The following UBTD2 variants were observed in gnomAD, a reference collection of about 807,000 sequenced individuals.
The protein encoded by UBTD2 is ubiquitin domain containing 2.
In UBTD2, 9 loss-of-function variants were observed where a neutral mutation model predicts 19.8. The ratio of observed to expected loss-of-function variants is 0.46; its 90% confidence interval spans 0.27 to 0.79. UBTD2 has a LOEUF of 0.79. UBTD2 is among the 30% of genes least tolerant of loss of function. The pLI, the probability that UBTD2 is intolerant of heterozygous loss-of-function variation, is 0.14. For synonymous variants in UBTD2, 98 were observed against 103.9 expected (o/e 0.94, Z 0.35); for missense variants, 250 against 300.4 (o/e 0.83, Z 1.24).
intron 2 of UBTD2, among the ~76,000 whole-genome samples, chr5:172,230,539 A>C (rs1305303377): frequency 2.2e-4 from 3 of 13,656 alleles, no homozygotes; most frequent in African/African-American, 6.9e-3. Flanking sequence ...CCCAAGAGGT[A>C]AGACAGTTAT....
At chr5:172,270,547 G>A (rs921664874) in intron 1 of UBTD2, among the ~76,000 whole-genome samples, 6 of 151,736 alleles carry the variant, frequency 4.0e-5, no homozygotes, top group African/African-American at 9.7e-5. Flanking sequence ...AGTAAAAGAC[G>A]GGGTTTCAAT....
At chr5:172,247,221 T>C (rs924941809) in intron 1 of UBTD2, among the ~76,000 whole-genome samples, 3 of 152,062 alleles carry the variant, frequency 2.0e-5, no homozygotes, top group Non-Finnish European at 4.4e-5. Flanking sequence ...TATACTATCA[T>C]TAGACAAAGT....
upstream of UBTD2, chr5:172,284,072 G>C (rs1476077336): frequency 6.7e-6 from 1 of 150,220 alleles, no homozygotes; most frequent in African/African-American, 2.4e-5. Context: ...CCGCGGCGCC[G>C]CCCTCCGCAC....
intron 2 of UBTD2, among the ~76,000 whole-genome samples, chr5:172,228,853 A>G (rs1030808953): frequency 1.3e-5 from 2 of 152,200 alleles, no homozygotes; most frequent in Admixed American, 6.5e-5. Context: ...TACTATTTGT[A>G]AGTGCCTTTG....
chr5:172,219,489 C>T (rs1322233402), intron 2 of UBTD2, among the ~76,000 whole-genome samples: 3 of 152,192 alleles, frequency 2.0e-5, no homozygotes, highest in Non-Finnish European at 4.4e-5. Flanking sequence ...GTATACACCA[C>T]CTGCCCATTA....
chr5:172,276,574 T>C (rs1406289982), intron 1 of UBTD2, among the ~76,000 whole-genome samples: 1 of 152,180 alleles, frequency 6.6e-6, no homozygotes, highest in Non-Finnish European at 1.5e-5. Flanking sequence ...CAAACTGAGC[T>C]GGAGAATCAA....
chr5:172,224,196 C>G (rs942070920), intron 2 of UBTD2, among the ~76,000 whole-genome samples: 8 of 152,018 alleles, frequency 5.3e-5, no homozygotes, highest in African/African-American at 1.9e-4. Flanking sequence ...ACCCCACGTA[C>G]CTAGGGAGAG....
chr5:172,227,243 T>C (rs1439974523), intron 2 of UBTD2, among the ~76,000 whole-genome samples: 1 of 152,200 alleles, frequency 6.6e-6, no homozygotes, highest in Non-Finnish European at 1.5e-5. Flanking sequence ...CCTCAGCTGT[T>C]TGCAGGCCTT....
intron 1 of UBTD2, among the ~76,000 whole-genome samples, chr5:172,244,142 C>T (rs902794082): frequency 6.6e-6 from 1 of 152,064 alleles, no homozygotes; most frequent in Non-Finnish European, 1.5e-5. Flanking sequence ...CAGAATCCAA[C>T]AACTGAATGG....
intron 1 of UBTD2, among the ~76,000 whole-genome samples, chr5:172,239,919 A>G (rs181492963): frequency 1.3e-5 from 2 of 152,310 alleles, no homozygotes; most frequent in East Asian, 1.9e-4. Context: ...AAAACAAAAC[A>G]AAACAGAAGA....
At position 172,251,314 on chromosome 5, in the gene UBTD2, C is replaced by CAAAAAA. The variant is rs57577423; in HGVS notation, c.71-16962_71-16957dup. 2.5e-5 allele frequency among the ~76,000 whole-genome samples: 3 copies of CAAAAAA among 118,216 alleles called. 1 individual carries two copies. Among genetic ancestry groups the CAAAAAA allele is most frequent in the Non-Finnish European group, 3.4e-5 (2 of 59,060 alleles). 77.6% of individuals were successfully genotyped at this position (118,216 alleles called of 152,430 possible). On this transcript the variant is annotated intron_variant, in intron 1 of 2. Transcript: ENST00000393792. ...AGCCTGGGTGACAGTGAGCCTATCT[C>CAAAAAA]AAAAAAAAAAAAGAAAATAGCCACT...
At chr5:172,225,585 C>T (rs994615692) in intron 2 of UBTD2, among the ~76,000 whole-genome samples, 34 of 152,170 alleles carry the variant, frequency 2.2e-4, no homozygotes, top group Admixed American at 3.3e-4. Context: ...ATTTTTACCA[C>T]GTGAGACTTG....
chr5:172,265,331 G>C (rs181480410), intron 1 of UBTD2, among the ~76,000 whole-genome samples: 18 of 152,202 alleles, frequency 1.2e-4, no homozygotes, highest in South Asian at 4.1e-4. Flanking sequence ...AATTAAAGCC[G>C]AGTAGTAAAC....
rs114216333 is a variant in UBTD2, at chr5:172,254,862, G to A, written c.71-20504C>T. ...GGATTTTCTTATGATTCAATTACAG[G>A]TACTTGCATGCTACTACTGGAATTT... On this transcript the variant is annotated intron_variant, in intron 1 of 2. Coordinates refer to ENST00000393792, the MANE Select transcript of UBTD2 (RefSeq NM_152277.3). 790 of 519,266 alleles carry A rather than the reference G, an allele frequency of 1.5e-3. 7 individuals carry two copies. Among genetic ancestry groups the A allele is most frequent in the African/African-American group, 0.013 (685 of 50,818 alleles). The allele number at this position is 519,266 out of a possible 1,614,324, so 32.2% of individuals were successfully genotyped here.
intron 1 of UBTD2, among the ~76,000 whole-genome samples, chr5:172,250,583 A>G (rs1208678038): frequency 6.6e-6 from 1 of 152,232 alleles, no homozygotes; most frequent in East Asian, 1.9e-4. Flanking sequence ...AGGGGATATA[A>G]CTAAACAATG....
intron 1 of UBTD2, among the ~76,000 whole-genome samples, chr5:172,250,755 AAACCCTGTGTC>A (rs1754985515): frequency 6.6e-6 from 1 of 151,842 alleles, no homozygotes. Context: ...CAACATGGTA[AAACCCTGTGTC>A]TACAAAAAAA....
At chr5:172,220,444 T>A (rs936675531) in intron 2 of UBTD2, among the ~76,000 whole-genome samples, 1 of 152,156 alleles carries the variant, frequency 6.6e-6, no homozygotes, top group Non-Finnish European at 1.5e-5. Context: ...AAGACCAGAC[T>A]GACCAACATG....
intron 1 of UBTD2, among the ~76,000 whole-genome samples, chr5:172,240,346 A>G (rs1387540036): frequency 6.6e-6 from 1 of 152,248 alleles, no homozygotes; most frequent in Non-Finnish European, 1.5e-5. Context: ...AGTTAGATAC[A>G]TCATTTTCCG....
rs1156870715 is a variant in UBTD2, at chr5:172,211,564, T to C, written c.*266A>G. The C allele has an allele frequency of 5.6e-6, 2 of 355,454 alleles. No homozygotes were observed. The highest frequency in any genetic ancestry group is 1.0e-5 in the Non-Finnish European group (2 of 197,602). The allele number at this position is 355,454 out of a possible 1,614,324, so 22.0% of individuals were successfully genotyped here. On this transcript the variant is annotated 3_prime_UTR_variant, in exon 3 of 3. Transcript: ENST00000393792. ...TAGCCATTACATAGTTGTTGAGTGTTCTAAAATAAATGGTTATCTATTTCT... is the reference window on the plus strand; with the variant it reads ...TAGCCATTACATAGTTGTTGAGTGTCCTAAAATAAATGGTTATCTATTTCT...
Sources: gnomAD v4.1 joint callset for allele counts (sites outside exome capture counted in the v4.1 genomes callset) on GRCh38, gnomAD v4.1.1 for gene constraint, MANE v1.5 for transcripts, NCBI Gene and HGNC (gene_info 2026-07-23, HGNC 2026-07-21) for gene names.